The following LARP4B variants were observed in gnomAD, a reference collection of about 807,000 sequenced individuals.
LARP4B encodes La ribonucleoprotein 4B, also known as la-related protein 4B.
LARP4B carries 12 observed loss-of-function variants against 89.8 expected under a neutral mutation model. That is an observed-to-expected ratio of 0.13 (90% CI 0.09 to 0.22). LARP4B has a LOEUF of 0.22. LARP4B is among the 10% of genes least tolerant of loss of function. LARP4B has a pLI of 1.00. For synonymous variants in LARP4B, 367 were observed against 363.3 expected (o/e 1.01, Z -0.12); for missense variants, 757 against 947.7 (o/e 0.80, Z 2.64).
Position 830,990 on chromosome 10 carries a change from G to GA in LARP4B, c.751-14dup. 1.0e-6 allele frequency: 1 copy of GA among 971,868 alleles called. No individual in the cohort carries two copies. The highest frequency in any genetic ancestry group is 1.6e-6 in the Non-Finnish European group (1 of 629,346). 60.2% of individuals were successfully genotyped at this position (971,868 alleles called of 1,614,324 possible). A position where few individuals can be genotyped will look rare whatever the true frequency, so the allele number is the denominator to read the frequency against. On this transcript the variant is annotated splice_polypyrimidine_tract_variant and intron_variant, in intron 8 of 17. Coordinates refer to ENST00000316157, the MANE Select transcript of LARP4B (RefSeq NM_015155.3). ...GTGCTTCTACTTCCTACAGGAAATA[G>GA]AGATGTTAGAAATTAATTCTCAACA...
intron 5 of LARP4B, among the ~76,000 whole-genome samples, chr10:846,870 C>T (rs1173366228): frequency 6.6e-6 from 1 of 152,088 alleles, no homozygotes; most frequent in Non-Finnish European, 1.5e-5. Flanking sequence ...CGCATGAGGG[C>T]CAAGGGACAC....
chr10:925,901 A>G (rs1170248635), intron 1 of LARP4B, among the ~76,000 whole-genome samples: 1 of 152,252 alleles, frequency 6.6e-6, no homozygotes, highest in Non-Finnish European at 1.5e-5. Flanking sequence ...AAATTACTCT[A>G]TCTGAAAATA....
In LARP4B at chr10:822,406, G is replaced by A. The variant is rs537819820; in HGVS notation, c.1485-1561C>T. On this transcript the variant is annotated intron_variant, in intron 13 of 17. Transcript: ENST00000316157. The surrounding 1 kb of genome is among the most constrained non-coding windows in gnomAD (Gnocchi z 4.6). Reference sequence around the variant, plus strand: ...CCTGCTCGTCACTACCGGCTGGGACGCAGGGGCACCCATCCCTTGGAACAC... The same window carrying A: ...CCTGCTCGTCACTACCGGCTGGGACACAGGGGCACCCATCCCTTGGAACAC... Among the ~76,000 whole-genome samples, 1 of 152,304 alleles carries A rather than the reference G, an allele frequency of 6.6e-6. No homozygotes were observed. The highest frequency in any genetic ancestry group is 2.4e-5 in the African/African-American group (1 of 41,574).
intron 5 of LARP4B, among the ~76,000 whole-genome samples, chr10:855,140 G>A (rs1834240525): frequency 6.6e-6 from 1 of 152,176 alleles, no homozygotes; most frequent in Admixed American, 6.5e-5. Context: ...TAATTGTTGT[G>A]ACTGGTTTTT....
intron 3 of LARP4B, among the ~76,000 whole-genome samples, chr10:881,380 C>G (rs1835660806): frequency 6.6e-6 from 1 of 152,176 alleles, no homozygotes; most frequent in African/African-American, 2.4e-5. Context: ...GCTTTTGCTC[C>G]TATCAGTCCT....
the LARP4B span, among the ~76,000 whole-genome samples, chr10:961,086 C>G: frequency 6.6e-6 from 1 of 152,212 alleles, no homozygotes; most frequent in South Asian, 2.1e-4. Context: ...ACAAAACCAC[C>G]TACCTAAGTT....
intron 3 of LARP4B, among the ~76,000 whole-genome samples, chr10:877,803 C>T (rs1021417070): frequency 1.3e-5 from 2 of 152,194 alleles, no homozygotes; most frequent in African/African-American, 4.8e-5. Flanking sequence ...GTCAGGAAGA[C>T]ACTGGAATAC....
chr10:942,543 C>T, the LARP4B span: 2 of 152,168 alleles, frequency 1.3e-5, no homozygotes, highest in Non-Finnish European at 2.9e-5. Context: ...AATGGAACAG[C>T]CTCTGCAAAG....
chr10:878,476 T>C (rs975757290), intron 3 of LARP4B, among the ~76,000 whole-genome samples: 2 of 152,256 alleles, frequency 1.3e-5, no homozygotes, highest in Admixed American at 6.5e-5. Context: ...GATTTGAAGA[T>C]ACACGTTTCT....
chr10:843,503 A>T (rs959731259), intron 6 of LARP4B, among the ~76,000 whole-genome samples: 2 of 152,190 alleles, frequency 1.3e-5, no homozygotes, highest in Non-Finnish European at 2.9e-5. Context: ...GTTTAAGACC[A>T]GCCTGACCAA....
the LARP4B span, chr10:988,179 G>A: frequency 2.8e-6 from 1 of 363,612 alleles, no homozygotes; most frequent in Non-Finnish European, 5.1e-6. Flanking sequence ...AAACCCGCAG[G>A]GCAGTCTGTC....
At chr10:965,573 A>G in the LARP4B span, among the ~76,000 whole-genome samples, 3 of 152,132 alleles carry the variant, frequency 2.0e-5, no homozygotes, top group African/African-American at 7.2e-5. Flanking sequence ...AAGCAGAAAC[A>G]AACTAAGGAA....
intron 3 of LARP4B, among the ~76,000 whole-genome samples, chr10:872,855 G>A (rs911462963): frequency 6.6e-6 from 1 of 152,172 alleles, no homozygotes; most frequent in East Asian, 1.9e-4. Flanking sequence ...TTCATACCTT[G>A]TTGAGAATGT....
chr10:939,955 C>T, the LARP4B span, among the ~76,000 whole-genome samples: 1 of 152,026 alleles, frequency 6.6e-6, no homozygotes. Context: ...AAGCGGTTCT[C>T]GTGCCTCAGC....
Position 814,972 on chromosome 10 carries a change from T to A in LARP4B, c.1794A>T (p.Arg598=), listed in dbSNP as rs201005043. 1 of 1,603,928 alleles carries A rather than the reference T, an allele frequency of 6.2e-7. No homozygotes were observed. The highest frequency in any genetic ancestry group is 1.3e-5 in the African/African-American group (1 of 74,800). Residue 598 remains arginine (R), a synonymous_variant, in exon 16 of 18, where the codon CGA becomes CGT. Transcript: ENST00000316157. This position sits in a 1 kb window ranked among gnomAD's most constrained non-coding sequence, Gnocchi z 4.4. ...ASCAVSATYE[R]SPSPAHLPDD... is the part of the protein sequence containing the mutation. ...CGGGTAAATGAGCTGGGGAGGGGGATCGCTCGTACGTTGCTGATACAGCAC... is the reference window on the plus strand; with the variant it reads ...CGGGTAAATGAGCTGGGGAGGGGGAACGCTCGTACGTTGCTGATACAGCAC...
In LARP4B at chr10:829,274, A is replaced by C. The variant is rs1832775440; in HGVS notation, c.1125+111T>G. The stretch of plus-strand genomic sequence containing the variant: ...CCCACATAACTTGAAGGTCTGTTTT[A>C]GTATGTCAGACTGCACACATATCTG... On this transcript the variant is annotated intron_variant, in intron 11 of 17. Transcript: ENST00000316157. 3.5e-6 allele frequency: 3 copies of C among 867,992 alleles called. No homozygotes were observed. In the Admixed American group the frequency reaches 9.2e-5, roughly 27 times the overall value. 53.8% of individuals were successfully genotyped at this position (867,992 alleles called of 1,614,324 possible).
chr10:839,184 A>G (rs1475532178), intron 7 of LARP4B, among the ~76,000 whole-genome samples: 1 of 152,238 alleles, frequency 6.6e-6, no homozygotes, highest in African/African-American at 2.4e-5. Context: ...GTAATGGTAG[A>G]TAATGTCCCT....
chr10:970,451 A>T, the LARP4B span, among the ~76,000 whole-genome samples: 1 of 152,136 alleles, frequency 6.6e-6, no homozygotes. Context: ...GGGTTCTGTC[A>T]TTCTATGAAT....
chr10:855,960 G>A (rs954652307), intron 5 of LARP4B, among the ~76,000 whole-genome samples: 5 of 152,230 alleles, frequency 3.3e-5, no homozygotes, highest in Admixed American at 1.3e-4. Flanking sequence ...CAAAGGCAAC[G>A]CAGCAGAGAG....
Sources: gnomAD v4.1 joint callset for allele counts (sites outside exome capture counted in the v4.1 genomes callset) on GRCh38, gnomAD v4.1.1 for gene constraint, Gnocchi (gnomAD v3.1) non-coding constraint, MANE v1.5 for transcripts, NCBI Gene and HGNC (gene_info 2026-07-23, HGNC 2026-07-21) for gene names.